The following SLC50A1 variants were observed in gnomAD, a reference collection of about 807,000 sequenced individuals.
SLC50A1 encodes sugar transporter SWEET1.
Under a neutral mutation model 28.9 loss-of-function variants are expected in SLC50A1, and 22 were observed. The ratio of observed to expected loss-of-function variants is 0.76; its 90% CI spans 0.54 to 1.09. The LOEUF (loss-of-function observed/expected upper bound fraction) is 1.09, where lower values mean the gene tolerates loss of function less well. Among genes scored for constraint, SLC50A1 ranks in the 50% least tolerant of loss-of-function variants. The pLI is 0.00. For missense variants in SLC50A1, 233 were observed against 273.4 expected (o/e 0.85, Z 1.04); for synonymous variants, 96 against 110.6 (o/e 0.87, Z 0.83).
At chr1:155,137,516 A>C in intron 3 of SLC50A1, 45 bp from the exon 4 acceptor site, 1 of 1,608,882 alleles carries the variant, frequency 6.2e-7, no homozygotes, top group Non-Finnish European at 8.5e-7. Flanking sequence ...CTAGCAGGGA[A>C]GTCAGAGTGC....
chr1:155,137,139 C>G (rs1664536085), intron 3 of SLC50A1, 188 bp downstream of exon 3: 6 of 743,852 alleles, frequency 8.1e-6, no homozygotes, highest in East Asian at 2.8e-5. Flanking sequence ...CCCATTTAGG[C>G]AAGGCTGGTA....
intron 2 of SLC50A1, 134 bp from the exon 3 acceptor site, chr1:155,136,694 G>A (rs1256216788): frequency 1.3e-5 from 17 of 1,285,818 alleles, no homozygotes; most frequent in Admixed American, 2.4e-5. Flanking sequence ...AGTGAGCCGA[G>A]ATCGTGCCAC....
rs751308092 is a variant in SLC50A1 at position 155,136,952 on chromosome 1, G to A, written c.282+1G>A. ...ATATCTGCATTACTGCCCTCGGAAG[G>A]TAGAGGCCCTCCCTTGGACCCACCT... On this transcript the variant is annotated splice_donor_variant, in intron 3 of 5. Coordinates refer to ENST00000368404, the MANE Select transcript of SLC50A1 (RefSeq NM_018845.4). LOFTEE classifies it high-confidence loss of function. 1 of 1,613,856 alleles carries A rather than the reference G, an allele frequency of 6.2e-7. No homozygotes were observed. The highest frequency in any genetic ancestry group is 1.7e-4 in the Middle Eastern group (1 of 5,948).
chr1:155,136,185 A>T, intron 1 of SLC50A1, 114 bp from the exon 2 acceptor site: 1 of 208,940 alleles, frequency 4.8e-6, no homozygotes, highest in Non-Finnish European at 9.4e-6. Flanking sequence ...GGCGGGGGGG[A>T]GAGGGGGCGG....
At position 155,135,984 on chromosome 1, in the gene SLC50A1, G is replaced by C. The variant is rs1472558282; in HGVS notation, c.73G>C (p.Ala25Pro). ...CVVFTLGMFSAGLSDLRHMRM... is the reference protein window; with the variant it reads ...CVVFTLGMFSPGLSDLRHMRM... Reference sequence around the variant, plus strand: ...GGTCTTCACCCTTGGCATGTTCTCCGCCGGCCTGTGAGAGTGCGGCCGGGC... The same window carrying C: ...GGTCTTCACCCTTGGCATGTTCTCCCCCGGCCTGTGAGAGTGCGGCCGGGC... Residue 25 changes from alanine to proline, a missense_variant, in exon 1 of 6, where the codon GCC (alanine) becomes CCC (proline). Ala to Pro is a conservative substitution (Grantham distance 27). Transcript: ENST00000368404. The C allele has an allele frequency of 6.2e-7, 1 of 1,613,880 alleles. No individual in the cohort carries two copies. The highest frequency in any genetic ancestry group is 1.1e-5 in the South Asian group (1 of 91,070).
At chr1:155,136,679 C>T in intron 2 of SLC50A1, 149 bp from the exon 3 acceptor site, 2 of 1,148,998 alleles carry the variant, frequency 1.7e-6, no homozygotes, top group Non-Finnish European at 1.2e-6. Context: ...GGAGGCGGAG[C>T]TTGCAGTGAG....
chr1:155,137,735 G>A lies in SLC50A1; in HGVS notation c.444+13G>A, dbSNP rs1571698010. ...ACTGGCTGACTTGGTGAGTGGGGGT[G>A]TCCAAGGAGGTAGGAGAGATAAGAG... On this transcript the variant is annotated intron_variant, in intron 4 of 5. Transcript: ENST00000368404. 1 of 1,613,904 alleles carries A rather than the reference G, an allele frequency of 6.2e-7. No homozygotes were observed. The highest frequency in any genetic ancestry group is 2.2e-5 in the East Asian group (1 of 44,884).
chr1:155,136,176 G>C (rs998459578), intron 1 of SLC50A1, 123 bp from the exon 2 acceptor site: 12 of 807,298 alleles, frequency 1.5e-5, no homozygotes, highest in African/African-American at 2.4e-5. Context: ...AGGATAGCTG[G>C]CGGGGGGGAG....
rs1260945459 is a variant in SLC50A1, at chr1:155,137,542, G to C, written c.283-19G>C. 3 of 1,613,406 alleles carry C rather than the reference G, an allele frequency of 1.9e-6. No homozygotes were observed. Among genetic ancestry groups the C allele is most frequent in the Admixed American group, 3.3e-5 (2 of 59,990 alleles). The stretch of plus-strand genomic sequence containing the variant: ...GTCAGAGTGCACATCTGGAAGTAAG[G>C]GTACTCTCTCCCCTGCAGCGTGTTG... On this transcript the variant is annotated intron_variant, in intron 3 of 5. Transcript: ENST00000368404.
chr1:155,136,243 T>C, intron 1 of SLC50A1, 56 bp from the exon 2 acceptor site: 3 of 1,241,828 alleles, frequency 2.4e-6, no homozygotes, highest in Non-Finnish European at 1.2e-6. Flanking sequence ...CATCCCCCTC[T>C]AGCACTCTGC....
intron 2 of SLC50A1, 43 bp from the exon 3 acceptor site, chr1:155,136,785 A>C (rs767941685): frequency 6.8e-6 from 11 of 1,607,322 alleles, no homozygotes; most frequent in Non-Finnish European, 7.6e-6. Context: ...TCCTCCTCTC[A>C]CACTGAACCC....
Position 155,136,912 on chromosome 1 carries a change from C to G in SLC50A1, c.243C>G (p.Thr81=), listed in dbSNP as rs1353498971. The G allele has an allele frequency of 1.2e-6, 2 of 1,614,034 alleles. No homozygotes were observed. Among genetic ancestry groups the G allele is most frequent in the African/African-American group, 1.3e-5 (1 of 74,910 alleles). ...ACACAGTGGGTGCTGCGCTTCAGACCCTGTATATCTTGGCATATCTGCATT... is the reference window on the plus strand; with the variant it reads ...ACACAGTGGGTGCTGCGCTTCAGACGCTGTATATCTTGGCATATCTGCATT... The part of the protein sequence containing the change: ...VVNTVGAALQ[T]LYILAYLHYC... Residue 81 remains threonine, a synonymous_variant, in exon 3 of 6, where the codon ACC becomes ACG. Coordinates refer to ENST00000368404, the MANE Select transcript of SLC50A1 (RefSeq NM_018845.4).
intron 3 of SLC50A1, 134 bp from the exon 4 acceptor site, chr1:155,137,427 G>A: frequency 3.9e-6 from 4 of 1,020,094 alleles, no homozygotes; most frequent in South Asian, 1.5e-5. Flanking sequence ...TGGGAAAGAA[G>A]CTGTGACAGT....
chr1:155,136,968 G>A lies in SLC50A1; in HGVS notation c.282+17G>A. 3 of 1,611,944 alleles carry A rather than the reference G, an allele frequency of 1.9e-6. No individual in the cohort carries two copies. The highest frequency in any genetic ancestry group is 2.5e-6 in the Non-Finnish European group (3 of 1,178,528). On this transcript the variant is annotated intron_variant, in intron 3 of 5. Transcript: ENST00000368404. ...CCTCGGAAGGTAGAGGCCCTCCCTT[G>A]GACCCACCTATCTGCTGCACGCCCT...
intron 2 of SLC50A1, chr1:155,136,606 G>A: frequency 1.4e-6 from 1 of 707,142 alleles, no homozygotes; most frequent in Non-Finnish European, 2.3e-6. Context: ...AGCCGGGCGT[G>A]GTGCCGGGCG....
upstream of SLC50A1, chr1:155,135,699 G>C: frequency 1.9e-6 from 3 of 1,550,214 alleles, no homozygotes; most frequent in South Asian, 2.4e-5. Context: ...CAGGGTACTG[G>C]GAAGGCGCTC....
At chr1:155,137,114 G>A in intron 3 of SLC50A1, 163 bp downstream of exon 3, 1 of 901,672 alleles carries the variant, frequency 1.1e-6, no homozygotes, top group South Asian at 1.7e-5. Context: ...AGCCTTCTGA[G>A]ATGAACACAT....
rs1372886664 is a variant in SLC50A1, at chr1:155,137,632, G to A, written c.354G>A (p.Leu118=). ...LLLGYGYFWL[L]VPNPEARLQQ... is the part of the protein sequence containing the mutation. ...TGGGTTATGGCTACTTTTGGCTCCT[G>A]GTACCCAACCCTGAGGCCCGGCTTC... Residue 118 remains leucine (L), a synonymous_variant, in exon 4 of 6, where the codon CTG becomes CTA. Transcript: ENST00000368404. 6.2e-7 allele frequency: 1 copy of A among 1,614,160 alleles called. No individual in the cohort carries two copies. The highest frequency in any genetic ancestry group is 1.7e-5 in the Admixed American group (1 of 60,014).
chr1:155,138,121 G>A lies in SLC50A1; in HGVS notation c.564+23G>A, dbSNP rs767479427. On this transcript the variant is annotated intron_variant, in intron 5 of 5. Transcript: ENST00000368404. ...ATGGTAAGCACAACTGGGATGGGGT[G>A]ACAGGGGTGCAAGATGGAAAACTGG... is the stretch of plus-strand genomic sequence containing the variant. 7 of 1,614,066 alleles carry A rather than the reference G, an allele frequency of 4.3e-6. No individual in the cohort carries two copies. The Admixed American group carries it at 1.0e-4, about 23-fold the overall frequency.
Sources: gnomAD v4.1 joint callset for allele counts on GRCh38, gnomAD v4.1.1 for gene constraint, MANE v1.5 for transcripts, NCBI Gene and HGNC (gene_info 2026-07-23, HGNC 2026-07-21) for gene names.